Variants in TEK observed in about 807,000 individuals in gnomAD.
The protein encoded by TEK is TEK receptor tyrosine kinase.
In TEK, 43 loss-of-function variants were observed where a neutral mutation model predicts 131.8. That is an observed-to-expected ratio of 0.33 (90% CI 0.26 to 0.42). The LOEUF (loss-of-function observed/expected upper bound fraction) is 0.42, where lower values mean the gene tolerates loss of function less well. Ranked by LOEUF, TEK falls within the 10% of genes least tolerant of loss-of-function variation. The pLI, the probability that TEK is intolerant of heterozygous loss-of-function variation, is 1.00. For synonymous variants in TEK, 580 were observed against 491.6 expected (o/e 1.18, Z -2.38); for missense variants, 1,162 against 1,384.4 (o/e 0.84, Z 2.55).
At chr9:27,167,671 C>T (rs918414062) in intron 2 of TEK, among the ~76,000 whole-genome samples, 1 of 152,152 alleles carries the variant, frequency 6.6e-6, no homozygotes, top group Non-Finnish European at 1.5e-5. Context: ...TGTCTTTATT[C>T]TTCAATCTTC....
At chr9:27,117,868 G>A (rs944001549) in intron 1 of TEK, among the ~76,000 whole-genome samples, 2 of 152,194 alleles carry the variant, frequency 1.3e-5, no homozygotes, top group African/African-American at 4.8e-5. Flanking sequence ...TTTGTTAAAG[G>A]GTGATATCAT....
chr9:27,151,470 A>T (rs1443576404), intron 1 of TEK, among the ~76,000 whole-genome samples: 1 of 152,144 alleles, frequency 6.6e-6, no homozygotes, highest in South Asian at 2.1e-4. Flanking sequence ...CTCAGTAGTT[A>T]CCATTTTGGG....
chr9:27,159,426 A>G (rs2131123258), intron 2 of TEK, among the ~76,000 whole-genome samples: 1 of 152,296 alleles, frequency 6.6e-6, no homozygotes, highest in South Asian at 2.1e-4. Flanking sequence ...AACTGAAATG[A>G]CAAAGAGTCA....
intron 20 of TEK, among the ~76,000 whole-genome samples, chr9:27,219,640 A>G (rs1369426741): frequency 2.9e-5 from 2 of 69,910 alleles, no homozygotes; most frequent in Non-Finnish European, 6.8e-5. Flanking sequence ...TCTACAATAA[A>G]CCAACATGCA....
chr9:27,123,078 A>AAAC (rs1821859603), intron 1 of TEK, among the ~76,000 whole-genome samples: 8 of 147,686 alleles, frequency 5.4e-5, no homozygotes, highest in South Asian at 2.1e-4. Flanking sequence ...AAAAAAAAAA[A>AAAC]CTGGAGGAAA....
intron 12 of TEK, among the ~76,000 whole-genome samples, chr9:27,202,551 G>A (rs188479581): frequency 1.3e-5 from 2 of 152,310 alleles, no homozygotes; most frequent in East Asian, 1.9e-4. Flanking sequence ...ATCAAGAATA[G>A]TAAGTACAGG....
intron 1 of TEK, among the ~76,000 whole-genome samples, chr9:27,144,904 A>C (rs1276187749): frequency 1.3e-5 from 2 of 152,220 alleles, no homozygotes; most frequent in Non-Finnish European, 2.9e-5. Context: ...TTCTTGGAGC[A>C]AAATATTGGG....
chr9:27,225,444 C>T (rs2131260396), intron 21 of TEK, among the ~76,000 whole-genome samples: 1 of 152,294 alleles, frequency 6.6e-6, no homozygotes, highest in Non-Finnish European at 1.5e-5. Flanking sequence ...CACACATCTA[C>T]AACCATCTCA....
intron 1 of TEK, among the ~76,000 whole-genome samples, chr9:27,114,590 TTTAATA>T (rs1159394543): frequency 7.2e-5 from 11 of 151,770 alleles, no homozygotes; most frequent in Admixed American, 2.0e-4. Flanking sequence ...TAAAAAAAAA[TTTAATA>T]TTAGGTTGGT....
intron 1 of TEK, among the ~76,000 whole-genome samples, chr9:27,127,377 G>T (rs901528287): frequency 1.3e-5 from 2 of 152,120 alleles, no homozygotes; most frequent in African/African-American, 4.8e-5. Flanking sequence ...GTCTATCATT[G>T]ATGGGCTTTT....
intron 1 of TEK, among the ~76,000 whole-genome samples, chr9:27,140,857 C>A (rs1433117350): frequency 1.3e-5 from 2 of 152,092 alleles, no homozygotes; most frequent in Admixed American, 1.3e-4. Context: ...ATTTTACTTT[C>A]TAGCAACATA....
chr9:27,211,673 C>T (rs906511959), intron 16 of TEK, among the ~76,000 whole-genome samples: 3 of 151,800 alleles, frequency 2.0e-5, no homozygotes, highest in Admixed American at 6.6e-5. Context: ...TCTCAGTATA[C>T]TGCCCAAGCT....
At chr9:27,138,221 G>C (rs940923246) in intron 1 of TEK, among the ~76,000 whole-genome samples, 2 of 152,226 alleles carry the variant, frequency 1.3e-5, no homozygotes, top group South Asian at 4.1e-4. Flanking sequence ...TCCACAGTGT[G>C]GAAGGGGATC....
At chr9:27,121,528 GTATAAA>G (rs1358623652) in intron 1 of TEK, among the ~76,000 whole-genome samples, 1 of 149,092 alleles carries the variant, frequency 6.7e-6, no homozygotes, top group African/African-American at 2.5e-5. Context: ...ATTTTTATAT[GTATAAA>G]TATATTTTCC....
At chr9:27,169,330 C>G (rs1823862047) in intron 3 of TEK, 147 bp from the exon 4 acceptor site, 1 of 1,053,114 alleles carries the variant, frequency 9.5e-7, no homozygotes, top group Non-Finnish European at 1.5e-6. Context: ...CTGAATAGTT[C>G]AGCATTTTCA....
chr9:27,183,674 A>C, intron 8 of TEK, 64 bp downstream of exon 8: 1 of 1,585,820 alleles, frequency 6.3e-7, no homozygotes, highest in Non-Finnish European at 8.7e-7. Context: ...TAATCACCCC[A>C]CTAAATGATA....
At chr9:27,122,045 G>A (rs1821814491) in intron 1 of TEK, among the ~76,000 whole-genome samples, 1 of 152,198 alleles carries the variant, frequency 6.6e-6, no homozygotes, top group Admixed American at 6.5e-5. Flanking sequence ...AAGACCTTGG[G>A]CACAGTGGGC....
At chr9:27,194,485 G>A (rs1367161297) in intron 11 of TEK, among the ~76,000 whole-genome samples, 1 of 152,052 alleles carries the variant, frequency 6.6e-6, no homozygotes, top group African/African-American at 2.4e-5. Flanking sequence ...ATATAGAGAG[G>A]AAAAAGGGAC....
intron 1 of TEK, among the ~76,000 whole-genome samples, chr9:27,110,606 A>T (rs1215090910): frequency 6.6e-6 from 1 of 152,196 alleles, no homozygotes; most frequent in Non-Finnish European, 1.5e-5. Context: ...AACTTCATGG[A>T]TATAGGGCAT....
Sources: allele counts gnomAD v4.1 joint callset (sites outside exome capture counted in the v4.1 genomes callset), GRCh38; gene constraint gnomAD v4.1.1; transcripts MANE v1.5; gene names NCBI Gene and HGNC (gene_info 2026-07-23, HGNC 2026-07-21).